GNA14: variants seen among roughly 807,000 people sequenced by gnomAD.
GNA14 encodes the protein G protein subunit alpha 14.
A neutral mutation model predicts 42.0 loss-of-function variants in GNA14; 50 were observed. The observed-to-expected ratio is 1.19, with a 90% CI of 0.95 to 1.51. The LOEUF (loss-of-function observed/expected upper bound fraction) is 1.51, where lower values mean the gene tolerates loss of function less well. GNA14 is among the 40% of genes most tolerant of loss of function. GNA14 has a pLI of 0.00. For missense variants in GNA14, 473 were observed against 446.2 expected, an observed-to-expected ratio of 1.06 and a Z score of -0.54; for synonymous variants, 173 against 163.1, an observed-to-expected ratio of 1.06 and a Z score of -0.46.
intron 1 of GNA14, among the ~76,000 whole-genome samples, chr9:77,630,147 C>T (rs2118002655): frequency 6.7e-6 from 1 of 149,978 alleles, no homozygotes; most frequent in Middle Eastern, 3.4e-3. Flanking sequence ...TACTCTGTCA[C>T]CTAGGTTGGA....
intron 1 of GNA14, among the ~76,000 whole-genome samples, chr9:77,615,702 T>TACACACACACAC (rs59087574): frequency 2.2e-5 from 3 of 134,388 alleles, no homozygotes; most frequent in South Asian, 2.7e-4. Flanking sequence ...GAAAATGAAA[T>TACACACACACAC]ACACACACAC....
At chr9:77,569,123 T>C (rs1440957088) in intron 1 of GNA14, among the ~76,000 whole-genome samples, 2 of 151,678 alleles carry the variant, frequency 1.3e-5, no homozygotes, top group Admixed American at 6.6e-5. Context: ...CATTTTAAAC[T>C]GAATCTCCAG....
At chr9:77,429,164 T>C in intron 4 of GNA14, 128 bp from the exon 5 acceptor site, 1 of 853,342 alleles carries the variant, frequency 1.2e-6, no homozygotes, top group Non-Finnish European at 1.8e-6. Flanking sequence ...AGAAAAGAGG[T>C]TCTAAGTTTT....
At chr9:77,433,333 G>C (rs191295593) in intron 3 of GNA14, among the ~76,000 whole-genome samples, 1 of 152,042 alleles carries the variant, frequency 6.6e-6, no homozygotes, top group Non-Finnish European at 1.5e-5. Flanking sequence ...CTATTTACCC[G>C]GTGACCAGAC....
chr9:77,451,392 A>G (rs773397443), intron 2 of GNA14, among the ~76,000 whole-genome samples: 29 of 152,152 alleles, frequency 1.9e-4, no homozygotes, highest in Non-Finnish European at 3.7e-4. Context: ...CACTGTAGTC[A>G]CTCTTTTTAG....
In GNA14 at chr9:77,424,114, A is replaced by G; in HGVS notation, c.933T>C (p.Asp311=). The G allele has an allele frequency of 6.2e-7, 1 of 1,613,108 alleles. No individual in the cohort carries two copies. Among genetic ancestry groups the G allele is most frequent in the East Asian group, 2.2e-5 (1 of 44,860 alleles). Residue 311 remains aspartate (D), a synonymous_variant, in exon 7 of 7, where the codon GAT becomes GAC. Coordinates refer to ENST00000341700, the MANE Select transcript of GNA14 (RefSeq NM_004297.4). The part of the protein sequence containing the change: ...ARDFILKLYQ[D]QNPDKEKVIY... ...TGACTTTCTCTTTGTCAGGATTCTGATCTTGGTAAAGCTTCAGGATAAAGT... is the reference window on the plus strand; with the variant it reads ...TGACTTTCTCTTTGTCAGGATTCTGGTCTTGGTAAAGCTTCAGGATAAAGT...
At chr9:77,433,104 A>C (rs1053343026) in intron 3 of GNA14, among the ~76,000 whole-genome samples, 4 of 152,218 alleles carry the variant, frequency 2.6e-5, no homozygotes, top group African/African-American at 9.6e-5. Flanking sequence ...AGCCCATTGA[A>C]ACCACAGGAG....
At chr9:77,587,607 T>C (rs527392974) in intron 1 of GNA14, among the ~76,000 whole-genome samples, 1 of 152,158 alleles carries the variant, frequency 6.6e-6, no homozygotes, top group African/African-American at 2.4e-5. Context: ...AGAACACAGA[T>C]TGGTGGTTAT....
intron 1 of GNA14, among the ~76,000 whole-genome samples, chr9:77,536,900 A>G (rs941290496): frequency 6.6e-6 from 1 of 152,180 alleles, no homozygotes; most frequent in Admixed American, 6.5e-5. Flanking sequence ...CAAAAATAAT[A>G]TATTTCTCCT....
intron 6 of GNA14, among the ~76,000 whole-genome samples, chr9:77,424,908 T>C (rs930493603): frequency 1.3e-5 from 2 of 152,100 alleles, no homozygotes; most frequent in Non-Finnish European, 2.9e-5. Context: ...TGCTAAAACA[T>C]GAATCCACTA....
intron 1 of GNA14, among the ~76,000 whole-genome samples, chr9:77,603,645 G>T (rs1823601883): frequency 6.6e-6 from 1 of 151,990 alleles, no homozygotes; most frequent in African/African-American, 2.4e-5. Context: ...GAATCCAAGG[G>T]CAGCCAGCAA....
chr9:77,501,496 A>G (rs974497989), intron 2 of GNA14, among the ~76,000 whole-genome samples: 1 of 152,124 alleles, frequency 6.6e-6, no homozygotes, highest in African/African-American at 2.4e-5. Context: ...CCATCTGTAT[A>G]TCTTCTTCAC....
chr9:77,604,515 C>A (rs968094531), intron 1 of GNA14, among the ~76,000 whole-genome samples: 5 of 152,204 alleles, frequency 3.3e-5, no homozygotes, highest in Admixed American at 6.5e-5. Flanking sequence ...GCTCATCACT[C>A]AAGTCCACAT....
intron 2 of GNA14, among the ~76,000 whole-genome samples, chr9:77,510,558 G>A (rs1435514162): frequency 6.6e-6 from 1 of 152,124 alleles, no homozygotes; most frequent in African/African-American, 2.4e-5. Flanking sequence ...CAATATTAAG[G>A]AAGAAGCATT....
chr9:77,528,982 G>A (rs932825416), intron 2 of GNA14, 87 bp downstream of exon 2: 21 of 1,153,208 alleles, frequency 1.8e-5, no homozygotes, highest in Non-Finnish European at 2.5e-5. Context: ...TCTGGCATCT[G>A]ACCAAAGCAC....
chr9:77,591,264 C>A (rs898093821), intron 1 of GNA14, among the ~76,000 whole-genome samples: 1 of 152,204 alleles, frequency 6.6e-6, no homozygotes, highest in Non-Finnish European at 1.5e-5. Context: ...ACCCAGCCTA[C>A]ATCAAATTGC....
chr9:77,517,568 T>C (rs957105595), intron 2 of GNA14: 1 of 148,348 alleles, frequency 6.7e-6, no homozygotes, highest in African/African-American at 2.5e-5. Context: ...TGTGTATTTC[T>C]GGTGCTTATC....
At chr9:77,521,996 C>T (rs1837364903) in intron 2 of GNA14, among the ~76,000 whole-genome samples, 1 of 152,074 alleles carries the variant, frequency 6.6e-6, no homozygotes, top group Admixed American at 6.5e-5. Flanking sequence ...CCACGCCCGG[C>T]TAATTTTTAT....
chr9:77,595,630 GATT>G (rs1343537765), intron 1 of GNA14, among the ~76,000 whole-genome samples: 3 of 152,152 alleles, frequency 2.0e-5, no homozygotes, highest in Non-Finnish European at 4.4e-5. Flanking sequence ...CTGATTGTGT[GATT>G]ATAAAACATT....
Sources: gnomAD v4.1 joint callset for allele counts (sites outside exome capture counted in the v4.1 genomes callset) on GRCh38, gnomAD v4.1.1 for gene constraint, MANE v1.5 for transcripts, NCBI Gene and HGNC (gene_info 2026-07-23, HGNC 2026-07-21) for gene names.